PCDHGB3: variants seen among roughly 807,000 people sequenced by gnomAD.
PCDHGB3 encodes the protein protocadherin gamma-B3.
In PCDHGB3, 40 loss-of-function variants were observed where a neutral mutation model predicts 59.2. The ratio of observed to expected loss-of-function variants is 0.68; its 90% confidence interval spans 0.52 to 0.88. The LOEUF is 0.88. PCDHGB3 is among the 40% of genes least tolerant of loss of function. The pLI is 0.00. For missense variants in PCDHGB3, 1,309 were observed against 1,187.9 expected (o/e 1.10, Z -1.50); for synonymous variants, 581 against 503.6 (o/e 1.15, Z -2.06).
chr5:141,421,374 C>G, intron 1 of PCDHGB3: 1 of 1,614,062 alleles, frequency 6.2e-7, no homozygotes, highest in Non-Finnish European at 8.5e-7. Context: ...TGGGCAATAT[C>G]TCCAAGGACC....
chr5:141,422,172 C>A, intron 1 of PCDHGB3: 2 of 1,564,780 alleles, frequency 1.3e-6, no homozygotes, highest in Non-Finnish European at 1.7e-6. Context: ...AATATAGATT[C>A]TATGAGATGG....
At chr5:141,382,364 T>A (rs919179170) in intron 1 of PCDHGB3, among the ~76,000 whole-genome samples, 6 of 152,264 alleles carry the variant, frequency 3.9e-5, no homozygotes, top group African/African-American at 1.4e-4. Flanking sequence ...AAATAAAATT[T>A]ACCTTTTTGC....
At chr5:141,374,378 A>ACCCCCC (rs1425489237) in intron 1 of PCDHGB3, 1 of 1,614,038 alleles carries the variant, frequency 6.2e-7, no homozygotes, top group Admixed American at 1.7e-5. Context: ...CTGTGCTCAG[A>ACCCCCC]GCCCGCGGTG....
At chr5:141,505,532 G>A in intron 3 of PCDHGB3, 51 bp downstream of exon 3, 2 of 1,611,270 alleles carry the variant, frequency 1.2e-6, no homozygotes, top group Non-Finnish European at 1.7e-6. Context: ...GGGGTTCTGG[G>A]GTGCATCTCA....
chr5:141,484,532 G>A (rs1421387882), intron 1 of PCDHGB3, among the ~76,000 whole-genome samples: 1 of 152,182 alleles, frequency 6.6e-6, no homozygotes, highest in Non-Finnish European at 1.5e-5. Context: ...TTGAGTATAT[G>A]GCAGTGGTTC....
intron 1 of PCDHGB3, chr5:141,404,708 T>C: frequency 6.2e-7 from 1 of 1,614,064 alleles, no homozygotes; most frequent in Non-Finnish European, 8.5e-7. Context: ...AGAGCCTGGC[T>C]ACCTGGTGAC....
chr5:141,447,356 C>T (rs1158878203), intron 1 of PCDHGB3, among the ~76,000 whole-genome samples: 4 of 152,000 alleles, frequency 2.6e-5, no homozygotes, highest in African/African-American at 9.7e-5. Context: ...TCAGGCTGGT[C>T]TCAAACTCCT....
chr5:141,382,126 C>G (rs1360934225), intron 1 of PCDHGB3, among the ~76,000 whole-genome samples: 1 of 151,958 alleles, frequency 6.6e-6, no homozygotes, highest in African/African-American at 2.4e-5. Context: ...CAGCACCTGG[C>G]CCCCCCTCTC....
intron 1 of PCDHGB3, among the ~76,000 whole-genome samples, chr5:141,452,094 G>A (rs760924457): frequency 6.6e-6 from 1 of 152,162 alleles, no homozygotes; most frequent in South Asian, 2.1e-4. Context: ...CAGTAAGAAA[G>A]AGCTTTCTTT....
chr5:141,474,608 T>C (rs1469173973), intron 1 of PCDHGB3, among the ~76,000 whole-genome samples: 1 of 152,268 alleles, frequency 6.6e-6, no homozygotes, highest in Non-Finnish European at 1.5e-5. Flanking sequence ...AGGTCACATA[T>C]GGCTTTTCAT....
rs1282403944 is a variant in PCDHGB3 at position 141,485,452 on chromosome 5, G to A, written c.2416-9355G>A. ...TCATCAAGAACCCAATCGACCGAGA[G>A]GCACTGTGTGGGCTCAGTGCCAGCT... On this transcript the variant is annotated intron_variant, in intron 1 of 3. Transcript: ENST00000576222. The surrounding 1 kb of genome is among the most constrained non-coding windows in gnomAD (Gnocchi z 5.7). 2.5e-6 allele frequency: 4 copies of A among 1,614,054 alleles called. No individual in the cohort carries two copies. Among genetic ancestry groups the A allele is most frequent in the East Asian group, 4.5e-5 (2 of 44,884 alleles).
chr5:141,494,792 C>A lies in PCDHGB3; in HGVS notation c.2416-15C>A. The A allele has an allele frequency of 6.2e-7, 1 of 1,614,132 alleles. No individual in the cohort carries two copies. Among genetic ancestry groups the A allele is most frequent in the East Asian group, 2.2e-5 (1 of 44,878 alleles). Reference sequence around the variant, plus strand: ...TCACGGGTACTCAGCCCCTTTCCCTCTGTTTTCTCCACAGCAAGCCCCGCC... The same window carrying A: ...TCACGGGTACTCAGCCCCTTTCCCTATGTTTTCTCCACAGCAAGCCCCGCC... On this transcript the variant is annotated splice_polypyrimidine_tract_variant and intron_variant, in intron 1 of 3. Transcript: ENST00000576222.
chr5:141,491,136 G>A lies in PCDHGB3; in HGVS notation c.2416-3671G>A, dbSNP rs769904518. On this transcript the variant is annotated intron_variant, in intron 1 of 3. Coordinates refer to ENST00000576222, the MANE Select transcript of PCDHGB3 (RefSeq NM_018924.5). This position sits in a 1 kb window ranked among gnomAD's most constrained non-coding sequence, Gnocchi z 6.9. ...ACACTGGTGAGGTGCGCACAGCCCG[G>A]GCCTTACTGGAGGATGACTCTGACA... The A allele has an allele frequency of 2.4e-5, 38 of 1,614,030 alleles. 1 individual carries two copies. The South Asian group carries it at 4.1e-4, about 17-fold the overall frequency.
intron 1 of PCDHGB3, among the ~76,000 whole-genome samples, chr5:141,459,160 T>C (rs1330588092): frequency 6.6e-6 from 1 of 152,228 alleles, no homozygotes; most frequent in African/African-American, 2.4e-5. Context: ...AGAACATTTC[T>C]ATAACCTTCA....
rs764070772 is a variant in PCDHGB3, at chr5:141,476,415, C to T, written c.2416-18392C>T. ...CTGGATCGAGAGGAGCTGTGTGGGACACTGCCCTCTTGCACTGTAACTCTG... is the reference window on the plus strand; with the variant it reads ...CTGGATCGAGAGGAGCTGTGTGGGATACTGCCCTCTTGCACTGTAACTCTG... On this transcript the variant is annotated intron_variant, in intron 1 of 3. Transcript: ENST00000576222. This position sits in a 1 kb window ranked among gnomAD's most constrained non-coding sequence, Gnocchi z 7.6. 2.5e-6 allele frequency: 4 copies of T among 1,614,098 alleles called. No homozygotes were observed. The South Asian group carries it at 4.4e-5, about 18-fold the overall frequency.
intron 1 of PCDHGB3, chr5:141,395,179 A>C: frequency 6.2e-7 from 1 of 1,614,164 alleles, no homozygotes; most frequent in South Asian, 1.1e-5. Flanking sequence ...GAGAAAAATG[A>C]TTCTTTGTTA....
intron 1 of PCDHGB3, chr5:141,404,653 C>A (rs754039673): frequency 2.4e-5 from 39 of 1,614,206 alleles, no homozygotes; most frequent in Non-Finnish European, 3.1e-5. Flanking sequence ...ACCCTGCCCT[C>A]CCCACTGATG....
chr5:141,382,896 G>A (rs754850386), intron 1 of PCDHGB3: 5 of 1,537,678 alleles, frequency 3.3e-6, no homozygotes, highest in Admixed American at 2.1e-5. Context: ...GAAGCAGGAC[G>A]ACTATGGCGG....
chr5:141,382,577 A>T (rs533715089), intron 1 of PCDHGB3, among the ~76,000 whole-genome samples: 47 of 152,338 alleles, frequency 3.1e-4, no homozygotes, highest in Middle Eastern at 6.8e-3. Flanking sequence ...TCTAACAGGG[A>T]AATTTTGAAA....
Sources: gnomAD v4.1 joint callset for allele counts (sites outside exome capture counted in the v4.1 genomes callset) on GRCh38, gnomAD v4.1.1 for gene constraint, Gnocchi (gnomAD v3.1) non-coding constraint, MANE v1.5 for transcripts, NCBI Gene and HGNC (gene_info 2026-07-23, HGNC 2026-07-21) for gene names.